The following UBE2E2 variants were observed in gnomAD, a reference collection of about 807,000 sequenced individuals.
UBE2E2 encodes ubiquitin-conjugating enzyme E2 E2.
UBE2E2 carries 6 observed loss-of-function variants against 24.7 expected under a neutral mutation model. The ratio of observed to expected loss-of-function variants is 0.24; its 90% confidence interval spans 0.13 to 0.48. UBE2E2 has a LOEUF of 0.48. UBE2E2 is among the 20% of genes least tolerant of loss of function. UBE2E2 has a pLI of 0.99. For missense variants in UBE2E2, 169 were observed against 245.0 expected, an observed-to-expected ratio of 0.69 and a Z score of 2.07; for synonymous variants, 104 against 83.6, an observed-to-expected ratio of 1.24 and a Z score of -1.33.
At chr3:23,432,045 C>G (rs566863619) in intron 3 of UBE2E2, among the ~76,000 whole-genome samples, 2 of 152,256 alleles carry the variant, frequency 1.3e-5, no homozygotes, top group African/African-American at 4.8e-5. Flanking sequence ...CTGTAATGTA[C>G]AGCTTTCAGT....
At chr3:23,446,896 GGTCCC>G (rs779765496) in intron 3 of UBE2E2, among the ~76,000 whole-genome samples, 2 of 151,954 alleles carry the variant, frequency 1.3e-5, no homozygotes, top group African/African-American at 2.4e-5. Flanking sequence ...TGGCATTTCA[GGTCCC>G]CCAGTATTGG....
At chr3:23,396,077 G>C (rs1419407499) in intron 3 of UBE2E2, among the ~76,000 whole-genome samples, 1 of 151,722 alleles carries the variant, frequency 6.6e-6, no homozygotes, top group Non-Finnish European at 1.5e-5. Flanking sequence ...TCTTTTGATT[G>C]TTGTGCTCTT....
chr3:23,529,279 T>C (rs1029437991), intron 4 of UBE2E2, among the ~76,000 whole-genome samples: 1 of 152,218 alleles, frequency 6.6e-6, no homozygotes, highest in Non-Finnish European at 1.5e-5. Context: ...ATACTTAATA[T>C]GCATGAGTGC....
At chr3:23,396,006 GTTAC>G (rs1332735406) in intron 3 of UBE2E2, among the ~76,000 whole-genome samples, 1 of 151,832 alleles carries the variant, frequency 6.6e-6, no homozygotes, top group East Asian at 1.9e-4. Flanking sequence ...TTCTTACATT[GTTAC>G]TTTAACAACA....
chr3:23,497,074 A>G (rs1019122850), intron 3 of UBE2E2, among the ~76,000 whole-genome samples: 2 of 152,210 alleles, frequency 1.3e-5, no homozygotes, highest in Admixed American at 6.5e-5. Flanking sequence ...CATTTACAGT[A>G]TTGTACCGTG....
intron 3 of UBE2E2, among the ~76,000 whole-genome samples, chr3:23,470,097 A>G (rs551047781): frequency 6.6e-6 from 1 of 152,350 alleles, no homozygotes; most frequent in East Asian, 1.9e-4. Flanking sequence ...TTAGAATGCC[A>G]GGTTTACCAG....
chr3:23,287,262 G>C (rs1291557320), intron 3 of UBE2E2, among the ~76,000 whole-genome samples: 1 of 152,068 alleles, frequency 6.6e-6, no homozygotes, highest in Non-Finnish European at 1.5e-5. Flanking sequence ...TGCATCCCTG[G>C]GATAAATTCC....
At chr3:23,526,819 T>G (rs1168920337) in intron 4 of UBE2E2, among the ~76,000 whole-genome samples, 5 of 152,216 alleles carry the variant, frequency 3.3e-5, no homozygotes, top group Non-Finnish European at 7.3e-5. Flanking sequence ...AACATCATCA[T>G]CAAAGTAGAT....
chr3:23,486,328 C>T (rs764415257), intron 3 of UBE2E2, among the ~76,000 whole-genome samples: 3 of 152,160 alleles, frequency 2.0e-5, no homozygotes, highest in Non-Finnish European at 4.4e-5. Flanking sequence ...TGCAGTGGCA[C>T]CTGAAAGCTC....
intron 3 of UBE2E2, among the ~76,000 whole-genome samples, chr3:23,347,729 G>A (rs1030231104): frequency 5.9e-5 from 9 of 151,950 alleles, no homozygotes; most frequent in Admixed American, 2.0e-4. Context: ...TTCTTCCAAC[G>A]TATTTATCAG....
In UBE2E2 at chr3:23,590,128, A is replaced by G. The variant is rs1194838791; in HGVS notation, c.*297A>G. 1.6e-5 allele frequency: 5 copies of G among 303,682 alleles called. No individual in the cohort carries two copies. Among genetic ancestry groups the G allele is most frequent in the African/African-American group, 4.3e-5 (2 of 46,746 alleles). The allele number at this position is 303,682 out of a possible 1,614,324, so 18.8% of individuals were successfully genotyped here. The stretch of plus-strand genomic sequence containing the variant: ...GGAACTTTTGTTTTCAGTGCAAACA[A>G]TGTTGGAGCTGTAATAGTAAGAGCT... On this transcript the variant is annotated 3_prime_UTR_variant, in exon 6 of 6. Coordinates refer to ENST00000396703, the MANE Select transcript of UBE2E2 (RefSeq NM_152653.4).
At chr3:23,292,867 G>T (rs974870369) in intron 3 of UBE2E2, among the ~76,000 whole-genome samples, 1 of 152,032 alleles carries the variant, frequency 6.6e-6, no homozygotes, top group African/African-American at 2.4e-5. Context: ...TGGGGTCAGG[G>T]GTTTGAGACC....
chr3:23,364,709 A>G (rs972001144), intron 3 of UBE2E2, among the ~76,000 whole-genome samples: 1 of 152,204 alleles, frequency 6.6e-6, no homozygotes. Flanking sequence ...AAAAGCTGGT[A>G]CTATTCCTAC....
chr3:23,303,610 T>C (rs951521475), intron 3 of UBE2E2, among the ~76,000 whole-genome samples: 1 of 152,184 alleles, frequency 6.6e-6, no homozygotes, highest in Non-Finnish European at 1.5e-5. Flanking sequence ...TAAGAATGCA[T>C]TTAAATATAT....
chr3:23,271,417 A>C (rs575749630), intron 3 of UBE2E2, among the ~76,000 whole-genome samples: 1 of 152,278 alleles, frequency 6.6e-6, no homozygotes, highest in East Asian at 1.9e-4. Flanking sequence ...AGCAAGATTT[A>C]TTGCAAAGAG....
At chr3:23,459,149 A>T (rs916051849) in intron 3 of UBE2E2, among the ~76,000 whole-genome samples, 4 of 152,322 alleles carry the variant, frequency 2.6e-5, no homozygotes, top group African/African-American at 9.6e-5. Context: ...GACCTCTGTT[A>T]TGTTTTCAAA....
At position 23,203,332 on chromosome 3, in the gene UBE2E2, T is replaced by G; in HGVS notation, c.-141T>G. ...GGTGCGTGGTGCGTGGGTCCGGCTT[T>G]CGGTGACTAGACGGTCCGCAGGGGA... On this transcript the variant is annotated 5_prime_UTR_variant, in exon 1 of 6. Coordinates refer to ENST00000396703, the MANE Select transcript of UBE2E2 (RefSeq NM_152653.4). The G allele has an allele frequency of 1.0e-6, 1 of 986,372 alleles. No individual in the cohort carries two copies. Among genetic ancestry groups the G allele is most frequent in the Non-Finnish European group, 1.2e-6 (1 of 830,492 alleles). 61.1% of individuals were successfully genotyped at this position (986,372 alleles called of 1,614,324 possible).
chr3:23,228,245 AT>A (rs1473535175), intron 3 of UBE2E2, among the ~76,000 whole-genome samples: 1 of 152,078 alleles, frequency 6.6e-6, no homozygotes, highest in Non-Finnish European at 1.5e-5. Context: ...TGGTCTTTGA[AT>A]TTTTTTTAAA....
intron 3 of UBE2E2, among the ~76,000 whole-genome samples, chr3:23,227,731 G>A (rs1696865180): frequency 2.0e-5 from 3 of 152,280 alleles, no homozygotes; most frequent in Middle Eastern, 3.4e-3. Context: ...GAATGGAATA[G>A]CACCTGCAGG....
Sources: gnomAD v4.1 joint callset for allele counts (sites outside exome capture counted in the v4.1 genomes callset) on GRCh38, gnomAD v4.1.1 for gene constraint, MANE v1.5 for transcripts, NCBI Gene and HGNC (gene_info 2026-07-23, HGNC 2026-07-21) for gene names.